The following IQGAP2 variants were observed in gnomAD, a reference collection of about 807,000 sequenced individuals.
IQGAP2 encodes the protein IQ motif containing GTPase activating protein 2.
IQGAP2 carries 173 observed loss-of-function variants against 201.3 expected under a neutral mutation model. The ratio of observed to expected loss-of-function variants is 0.86; its 90% CI spans 0.76 to 0.98. IQGAP2 has a LOEUF of 0.98. Ranked by LOEUF, IQGAP2 falls within the 50% of genes least tolerant of loss-of-function variation. The pLI is 0.00. For synonymous variants in IQGAP2, 675 were observed against 673.9 expected (o/e 1.00, Z -0.03); for missense variants, 1,687 against 1,864.8 (o/e 0.90, Z 1.76).
At chr5:76,611,667 G>T (rs544933745) in intron 13 of IQGAP2, among the ~76,000 whole-genome samples, 1 of 152,360 alleles carries the variant, frequency 6.6e-6, no homozygotes, top group South Asian at 2.1e-4. Context: ...TACACAGATT[G>T]ATTCACGGAT....
chr5:76,457,774 T>A (rs1352302435), intron 1 of IQGAP2, among the ~76,000 whole-genome samples: 3 of 152,250 alleles, frequency 2.0e-5, no homozygotes, highest in Non-Finnish European at 4.4e-5. Context: ...TTCAAAATAC[T>A]CTCTAACAAC....
chr5:76,517,596 C>A (rs2150190049), intron 2 of IQGAP2, among the ~76,000 whole-genome samples: 2 of 143,572 alleles, frequency 1.4e-5, no homozygotes, highest in South Asian at 2.2e-4. Context: ...CAAAGTGAGA[C>A]CCTGTTTCAA....
intron 2 of IQGAP2, among the ~76,000 whole-genome samples, chr5:76,479,200 T>C (rs1755627773): frequency 6.6e-6 from 1 of 152,126 alleles, no homozygotes; most frequent in Non-Finnish European, 1.5e-5. Context: ...TGTCCTCTCT[T>C]AGCAGTCAGG....
intron 5 of IQGAP2, among the ~76,000 whole-genome samples, chr5:76,587,800 G>A (rs1045516631): frequency 6.6e-6 from 1 of 151,888 alleles, no homozygotes; most frequent in Admixed American, 6.6e-5. Flanking sequence ...ACAAAAAGTA[G>A]ACGGGCTCTG....
Position 76,668,731 on chromosome 5 carries a change from G to C in IQGAP2, c.2730G>C (p.Lys910Asn). The stretch of plus-strand genomic sequence containing the variant: ...TGATTTTCCAGATGCCACAGAACAA[G>C]TCCACTAAATTTATGGATACTGTTA... ...AKLIFQMPQN[K>N]STKFMDTVIF... The change falls in exon 23 of 36, where the codon AAG (lysine) becomes AAC (asparagine). Residue 910 changes from lysine to asparagine, a missense_variant. Coordinates refer to ENST00000274364, the MANE Select transcript of IQGAP2 (RefSeq NM_006633.5). The C allele has an allele frequency of 6.2e-7, 1 of 1,611,896 alleles. No homozygotes were observed.
At chr5:76,456,029 G>T (rs1754063807) in intron 1 of IQGAP2, among the ~76,000 whole-genome samples, 1 of 152,176 alleles carries the variant, frequency 6.6e-6, no homozygotes, top group Non-Finnish European at 1.5e-5. Flanking sequence ...AGTATCTTGT[G>T]TGACTATTAT....
At chr5:76,608,503 A>G (rs572188017) in intron 12 of IQGAP2, among the ~76,000 whole-genome samples, 2 of 152,340 alleles carry the variant, frequency 1.3e-5, no homozygotes, top group African/African-American at 4.8e-5. Context: ...ATTGCTCAGT[A>G]TAGTAATTAA....
At chr5:76,507,152 G>C (rs1214899885) in intron 2 of IQGAP2, among the ~76,000 whole-genome samples, 1 of 152,144 alleles carries the variant, frequency 6.6e-6, no homozygotes. Flanking sequence ...GTGTGGTATT[G>C]GTGAAAGAAC....
At chr5:76,619,514 C>CCTTTTTTTTT (rs1561518620) in intron 13 of IQGAP2, among the ~76,000 whole-genome samples, 3 of 104,266 alleles carry the variant, frequency 2.9e-5, no homozygotes, top group Non-Finnish European at 5.7e-5. Flanking sequence ...TAAGGATCTT[C>CCTTTTTTTTT]TTTTTTTTTT....
At position 76,491,192 on chromosome 5, in the gene IQGAP2, C is replaced by T. The variant is rs77307506; in HGVS notation, c.146+29523C>T. The stretch of plus-strand genomic sequence containing the variant: ...ATGTGTTTGTATAAACATGATGAAA[C>T]TATTCATGTTCTTGTTGATGCTTCT... On this transcript the variant is annotated intron_variant, in intron 2 of 35. Coordinates refer to ENST00000274364, the MANE Select transcript of IQGAP2 (RefSeq NM_006633.5). Among the ~76,000 whole-genome samples the T allele has an allele frequency of 9.3e-3, 1,410 of 152,256 alleles. 8 individuals carry two copies. The highest frequency in any genetic ancestry group is 0.012 in the Non-Finnish European group (809 of 68,026).
intron 21 of IQGAP2, 63 bp from the exon 22 acceptor site, chr5:76,664,963 G>A (rs768821756): frequency 3.2e-6 from 3 of 928,800 alleles, no homozygotes; most frequent in Non-Finnish European, 5.1e-6. Flanking sequence ...AATCCTATAT[G>A]TGAAGGGAGG....
chr5:76,675,322 G>T (rs561959165), intron 27 of IQGAP2, among the ~76,000 whole-genome samples: 1 of 152,062 alleles, frequency 6.6e-6, no homozygotes, highest in Non-Finnish European at 1.5e-5. Flanking sequence ...TGTGTATGGG[G>T]GTCCTGGAAC....
intron 1 of IQGAP2, among the ~76,000 whole-genome samples, chr5:76,460,858 T>C (rs1309233410): frequency 8.2e-6 from 1 of 122,544 alleles, no homozygotes; most frequent in African/African-American, 2.9e-5. Context: ...GTTTGCACAC[T>C]GCTTTTTTTT....
intron 32 of IQGAP2, among the ~76,000 whole-genome samples, chr5:76,697,559 G>A (rs1212814064): frequency 3.9e-5 from 6 of 152,054 alleles, no homozygotes; most frequent in Admixed American, 2.6e-4. Flanking sequence ...CAGGAGAATC[G>A]CTTGAACCTG....
intron 16 of IQGAP2, among the ~76,000 whole-genome samples, chr5:76,640,464 G>C (rs1751481746): frequency 6.6e-6 from 1 of 152,114 alleles, no homozygotes; most frequent in Admixed American, 6.5e-5. Flanking sequence ...GCATCATTCT[G>C]AGTTTGGCCA....
intron 17 of IQGAP2, among the ~76,000 whole-genome samples, chr5:76,647,260 G>A (rs1354351521): frequency 6.6e-6 from 1 of 152,106 alleles, no homozygotes; most frequent in African/African-American, 2.4e-5. Flanking sequence ...TGAACCTTGG[G>A]ACCCAAGGAA....
chr5:76,707,155 C>A, intron 35 of IQGAP2, 45 bp from the exon 36 acceptor site: 1 of 909,410 alleles, frequency 1.1e-6, no homozygotes, highest in Non-Finnish European at 1.8e-6. Context: ...TTTAAATGCA[C>A]AAAATGTCAA....
At chr5:76,608,428 T>C (rs1000679243) in intron 12 of IQGAP2, among the ~76,000 whole-genome samples, 1 of 152,254 alleles carries the variant, frequency 6.6e-6, no homozygotes, top group Non-Finnish European at 1.5e-5. Flanking sequence ...TTGAGTTTGA[T>C]ATCATGTTTA....
intron 2 of IQGAP2, among the ~76,000 whole-genome samples, chr5:76,513,060 G>GAA (rs11369662): frequency 6.2e-4 from 91 of 147,602 alleles, no homozygotes; most frequent in Middle Eastern, 7.1e-3. Flanking sequence ...GTCTCAAAAA[G>GAA]AAAAAAAAAA....
Sources: gnomAD v4.1 joint callset for allele counts (sites outside exome capture counted in the v4.1 genomes callset) on GRCh38, gnomAD v4.1.1 for gene constraint, MANE v1.5 for transcripts, NCBI Gene and HGNC (gene_info 2026-07-23, HGNC 2026-07-21) for gene names.